Variants in SRGAP2C observed in about 807,000 individuals in gnomAD.
SRGAP2C encodes the protein SLIT-ROBO Rho GTPase-activating protein 2C.
A neutral mutation model predicts 25.1 loss-of-function variants in SRGAP2C; 15 were observed. The observed-to-expected ratio is 0.60, with a 90% CI of 0.40 to 0.92. SRGAP2C has a LOEUF of 0.92. SRGAP2C is among the 40% of genes least tolerant of loss of function. The pLI is 0.00. For missense variants in SRGAP2C, 144 were observed against 264.4 expected (o/e 0.54, Z 3.16); for synonymous variants, 44 against 96.6 (o/e 0.46, Z 3.19).
At chr1:121,365,207 T>G in intron 4 of SRGAP2C, 86 bp from the exon 5 acceptor site, 1 of 353,132 alleles carries the variant, frequency 2.8e-6, no homozygotes. Flanking sequence ...TCTGGGTTAT[T>G]TGTAGAGCCA....
At chr1:121,271,462 C>T (rs1553335294) in intron 2 of SRGAP2C, among the ~76,000 whole-genome samples, 2 of 151,792 alleles carry the variant, frequency 1.3e-5, no homozygotes, top group African/African-American at 4.8e-5. Flanking sequence ...ACGGAATGTA[C>T]AGTTTCTTTT....
intron 3 of SRGAP2C, among the ~76,000 whole-genome samples, chr1:121,306,766 A>G (rs1379947764): frequency 6.6e-6 from 1 of 152,060 alleles, no homozygotes; most frequent in Non-Finnish European, 1.5e-5. Context: ...GGGATCTGGA[A>G]TACGTAATTA....
intron 2 of SRGAP2C, among the ~76,000 whole-genome samples, chr1:121,237,516 G>A (rs1250033784): frequency 1.3e-5 from 2 of 151,684 alleles, no homozygotes; most frequent in African/African-American, 4.8e-5. Context: ...GTCTGGAGAT[G>A]ACTCTGTATA....
intron 4 of SRGAP2C, among the ~76,000 whole-genome samples, chr1:121,336,257 A>G (rs1362592895): frequency 1.3e-5 from 2 of 150,426 alleles, no homozygotes; most frequent in African/African-American, 4.9e-5. Flanking sequence ...TGGCATTTGG[A>G]TAGTTTTCAG....
chr1:121,314,914 A>G (rs1423552729), intron 3 of SRGAP2C: 2 of 647,696 alleles, frequency 3.1e-6, no homozygotes, highest in Non-Finnish European at 5.0e-6. Context: ...ATTCGGCCAT[A>G]TTGGCTCCTC....
intron 3 of SRGAP2C, among the ~76,000 whole-genome samples, chr1:121,308,103 A>G (rs1306831398): frequency 6.8e-6 from 1 of 147,232 alleles, no homozygotes; most frequent in Non-Finnish European, 1.5e-5. Context: ...GGCTCTGAGC[A>G]TTGTCCATTA....
At position 121,328,908 on chromosome 1, in the gene SRGAP2C, A is replaced by C. The variant is rs1218571683; in HGVS notation, c.423+4268A>C. Among the ~76,000 whole-genome samples the C allele has an allele frequency of 7.7e-5, 11 of 143,020 alleles. No individual in the cohort carries two copies. In the South Asian group the frequency reaches 1.4e-3, roughly 18 times the overall value. The allele number at this position is 143,020 out of a possible 152,430, so 93.8% of individuals were successfully genotyped here. ...TCTGTTTAAAAAAAAAAAAAAAACA[A>C]AAAACAAAAAACAAAACAGAGGGCT... On this transcript the variant is annotated intron_variant, in intron 4 of 9. Transcript: ENST00000367123.
chr1:121,248,526 A>G (rs1424082296), intron 2 of SRGAP2C, among the ~76,000 whole-genome samples: 2 of 145,338 alleles, frequency 1.4e-5, no homozygotes, highest in Non-Finnish European at 3.0e-5. Context: ...GGCTCACTGC[A>G]AGCTCCGCCT....
At chr1:121,260,479 G>C (rs1310053376) in intron 2 of SRGAP2C, among the ~76,000 whole-genome samples, 1 of 151,766 alleles carries the variant, frequency 6.6e-6, no homozygotes, top group Non-Finnish European at 1.5e-5. Flanking sequence ...AGGAGGAAGG[G>C]AGGAGATGCC....
chr1:121,335,337 T>A (rs1351464795), intron 4 of SRGAP2C, among the ~76,000 whole-genome samples: 3 of 130,124 alleles, frequency 2.3e-5, no homozygotes, highest in South Asian at 4.9e-4. Flanking sequence ...CAAGACTCCA[T>A]CTCAAAAAAT....
intron 2 of SRGAP2C, among the ~76,000 whole-genome samples, chr1:121,238,566 A>T (rs1376238127): frequency 2.6e-5 from 4 of 151,918 alleles, no homozygotes; most frequent in Non-Finnish European, 5.9e-5. Context: ...GTGGGGAACC[A>T]TGGAAATATT....
chr1:121,211,485 A>G (rs1297463180), intron 2 of SRGAP2C, among the ~76,000 whole-genome samples: 1 of 151,448 alleles, frequency 6.6e-6, no homozygotes, highest in African/African-American at 2.4e-5. Flanking sequence ...AGGATCTCCC[A>G]GAAGATAATT....
chr1:121,236,104 C>T (rs1290387712), intron 2 of SRGAP2C, among the ~76,000 whole-genome samples: 1 of 145,384 alleles, frequency 6.9e-6, no homozygotes, highest in Non-Finnish European at 1.5e-5. Context: ...GATCTATATC[C>T]TGCACCATAC....
chr1:121,309,053 G>A (rs1421004562), intron 3 of SRGAP2C, among the ~76,000 whole-genome samples: 1 of 134,176 alleles, frequency 7.5e-6, no homozygotes, highest in Non-Finnish European at 1.6e-5. Context: ...TTTCAGACAT[G>A]ATTCTAGTCA....
chr1:121,241,118 A>T (rs1214057797), intron 2 of SRGAP2C, among the ~76,000 whole-genome samples: 1 of 21,504 alleles, frequency 4.7e-5, no homozygotes, highest in Non-Finnish European at 7.8e-5. Context: ...GTGAGCCAAC[A>T]TGTTTGCATT....
intron 3 of SRGAP2C, among the ~76,000 whole-genome samples, chr1:121,286,578 A>G (rs1657372543): frequency 6.6e-6 from 1 of 152,054 alleles, no homozygotes; most frequent in Admixed American, 6.6e-5. Context: ...TTTGATATCA[A>G]ATTGTAGTTT....
intron 2 of SRGAP2C, among the ~76,000 whole-genome samples, chr1:121,249,582 T>A (rs1219702146): frequency 0.04 from 569 of 14,076 alleles, 1 homozygote; most frequent in East Asian, 0.085. Context: ...ATATATATAT[T>A]TTTTTTTTTT....
intron 2 of SRGAP2C, among the ~76,000 whole-genome samples, chr1:121,237,757 G>T (rs1655995922): frequency 6.8e-6 from 1 of 147,336 alleles, no homozygotes; most frequent in Non-Finnish European, 1.5e-5. Context: ...GAACAATTTG[G>T]GAGTCTGTAT....
intron 7 of SRGAP2C, among the ~76,000 whole-genome samples, chr1:121,378,932 C>A (rs587735964): frequency 1.3e-5 from 2 of 152,172 alleles, no homozygotes; most frequent in Non-Finnish European, 2.9e-5. Context: ...TGACTTCAGG[C>A]CAAAAAGACG....
Sources: gnomAD v4.1 joint callset for allele counts (sites outside exome capture counted in the v4.1 genomes callset) on GRCh38, gnomAD v4.1.1 for gene constraint, MANE v1.5 for transcripts, NCBI Gene and HGNC (gene_info 2026-07-23, HGNC 2026-07-21) for gene names.